The following ZMAT3 variants were observed in gnomAD, a reference collection of about 807,000 sequenced individuals.
ZMAT3 encodes zinc finger matrin-type protein 3.
A neutral mutation model predicts 32.3 loss-of-function variants in ZMAT3; 17 were observed. The ratio of observed to expected loss-of-function variants is 0.53; its 90% CI spans 0.36 to 0.79. ZMAT3 has a LOEUF of 0.79. Among genes scored for constraint, ZMAT3 ranks in the 30% least tolerant of loss-of-function variants. The pLI, the probability that ZMAT3 is intolerant of heterozygous loss-of-function variation, is 0.00. For synonymous variants in ZMAT3, 120 were observed against 133.1 expected (o/e 0.90, Z 0.68); for missense variants, 329 against 359.7 (o/e 0.91, Z 0.69).
At chr3:179,062,244 G>A (rs1721186550) in intron 2 of ZMAT3, among the ~76,000 whole-genome samples, 1 of 152,130 alleles carries the variant, frequency 6.6e-6, no homozygotes, top group Non-Finnish European at 1.5e-5. Context: ...AGTACAGTGG[G>A]CTGAGGAATG....
At chr3:179,028,234 CAT>C (rs969961404) in intron 3 of ZMAT3, among the ~76,000 whole-genome samples, 7 of 152,198 alleles carry the variant, frequency 4.6e-5, no homozygotes, top group African/African-American at 1.7e-4. Flanking sequence ...GATACATAGT[CAT>C]ATATTTTTTT....
At chr3:179,069,344 C>A (rs150251972) in intron 1 of ZMAT3, among the ~76,000 whole-genome samples, 1 of 152,084 alleles carries the variant, frequency 6.6e-6, no homozygotes, top group Non-Finnish European at 1.5e-5. Context: ...TGCCTCCCCC[C>A]CAGATGGCGC....
intron 3 of ZMAT3, among the ~76,000 whole-genome samples, chr3:179,029,272 C>T (rs1488269913): frequency 2.0e-5 from 3 of 152,104 alleles, no homozygotes; most frequent in Admixed American, 2.0e-4. Context: ...GAGGCTGAAA[C>T]TGCTGACCTA....
intron 2 of ZMAT3, among the ~76,000 whole-genome samples, chr3:179,031,308 G>C: frequency 6.6e-6 from 1 of 150,516 alleles, no homozygotes; most frequent in East Asian, 1.9e-4. Context: ...TAGAGGTCTT[G>C]ATATCTCCTA....
At chr3:179,033,494 A>G (rs1279040269) in intron 2 of ZMAT3, among the ~76,000 whole-genome samples, 3 of 151,666 alleles carry the variant, frequency 2.0e-5, no homozygotes, top group Non-Finnish European at 2.9e-5. Flanking sequence ...ATCAATAAAT[A>G]CTAAAAAAAT....
At position 179,023,134 on chromosome 3, in the gene ZMAT3, T is replaced by C. The variant is rs1718633903; in HGVS notation, c.*1883A>G. The C allele has an allele frequency of 6.6e-6, 1 of 151,240 alleles. No homozygotes were observed. Among genetic ancestry groups the C allele is most frequent in the Non-Finnish European group, 1.5e-5 (1 of 67,932 alleles). 9.4% of individuals were successfully genotyped at this position (151,240 alleles called of 1,614,324 possible). On this transcript the variant is annotated 3_prime_UTR_variant, in exon 6 of 6. Transcript: ENST00000311417. ...TAATGAATATTCACAGAGCACTCCATTAGTTAATCTAGATATATATTATAG... is the reference window on the plus strand; with the variant it reads ...TAATGAATATTCACAGAGCACTCCACTAGTTAATCTAGATATATATTATAG...
chr3:179,041,477 T>C (rs1719924840), intron 2 of ZMAT3, among the ~76,000 whole-genome samples: 1 of 152,226 alleles, frequency 6.6e-6, no homozygotes, highest in South Asian at 2.1e-4. Context: ...TGCTCCTGAA[T>C]GACTACTGGG....
intron 1 of ZMAT3, among the ~76,000 whole-genome samples, chr3:179,068,578 A>C (rs1352328088): frequency 6.6e-6 from 1 of 152,220 alleles, no homozygotes; most frequent in Non-Finnish European, 1.5e-5. Flanking sequence ...AATATCAAAA[A>C]GAGTGTATAA....
chr3:179,066,614 T>A (rs774916116), intron 2 of ZMAT3, among the ~76,000 whole-genome samples: 4 of 152,246 alleles, frequency 2.6e-5, no homozygotes, highest in Non-Finnish European at 5.9e-5. Context: ...AAATCAGTGA[T>A]GACCCGGGAA....
At position 179,046,005 on chromosome 3, in the gene ZMAT3, C is replaced by T. The variant is rs1720214204; in HGVS notation, c.271-15006G>A. 6.6e-6 allele frequency among the ~76,000 whole-genome samples: 1 copy of T among 152,188 alleles called. No individual in the cohort carries two copies. Among genetic ancestry groups the T allele is most frequent in the Non-Finnish European group, 1.5e-5 (1 of 68,030 alleles). ...ATGTGAAGTGGTTTAACTAGGAAAACACCCAGTACAGGCAACTATGCAGAA... is the reference window on the plus strand; with the variant it reads ...ATGTGAAGTGGTTTAACTAGGAAAATACCCAGTACAGGCAACTATGCAGAA... On this transcript the variant is annotated intron_variant, in intron 2 of 5. Transcript: ENST00000311417. The surrounding 1 kb of genome is among the most constrained non-coding windows in gnomAD (Gnocchi z 4.3).
chr3:179,044,615 G>A (rs556034380), intron 2 of ZMAT3, among the ~76,000 whole-genome samples: 7 of 152,138 alleles, frequency 4.6e-5, no homozygotes, highest in East Asian at 1.9e-4. Context: ...CCACACTCCC[G>A]CCTGGACGAC....
rs1427032378 is a variant in ZMAT3 at position 179,058,715 on chromosome 3, C to G, written c.270+8768G>C. On this transcript the variant is annotated intron_variant, in intron 2 of 5. Transcript: ENST00000311417. ...AGCTTGCAGTGAGCCGAGATCCCGCCACTGCACTCCAGCCTGGGCGACAGA... is the reference window on the plus strand; with the variant it reads ...AGCTTGCAGTGAGCCGAGATCCCGCGACTGCACTCCAGCCTGGGCGACAGA... Among the ~76,000 whole-genome samples the G allele has an allele frequency of 3.5e-5, 5 of 141,880 alleles. No individual in the cohort carries two copies. The Admixed American group carries it at 3.6e-4, about 10-fold the overall frequency. The allele number at this position is 141,880 out of a possible 152,430, so 93.1% of individuals were successfully genotyped here. A position where few individuals can be genotyped will look rare whatever the true frequency, so the allele number is the denominator to read the frequency against.
At chr3:179,039,889 C>CTGA (rs969983055) in intron 2 of ZMAT3, among the ~76,000 whole-genome samples, 1 of 152,090 alleles carries the variant, frequency 6.6e-6, no homozygotes, top group African/African-American at 2.4e-5. Context: ...CCTTAAATGA[C>CTGA]TGATGGAGCT....
chr3:179,054,701 A>G (rs1720741632), intron 2 of ZMAT3, among the ~76,000 whole-genome samples: 1 of 152,194 alleles, frequency 6.6e-6, no homozygotes, highest in Admixed American at 6.5e-5. Context: ...CTAAGGCTGG[A>G]GCAGAGCTTT....
rs1414015970 is a variant in ZMAT3 at position 179,023,593 on chromosome 3, A to C, written c.*1424T>G. ...ACAAAATATCAAGCAATCTGAACTT[A>C]TGGTTTAGATCATGATATAAGCGCA... On this transcript the variant is annotated 3_prime_UTR_variant, in exon 6 of 6. Coordinates refer to ENST00000311417, the MANE Select transcript of ZMAT3 (RefSeq NM_022470.4). 2.0e-5 allele frequency: 3 copies of C among 146,566 alleles called. No homozygotes were observed. The allele number at this position is 146,566 out of a possible 1,614,324, so 9.1% of individuals were successfully genotyped here. A position where few individuals can be genotyped will look rare whatever the true frequency, so the allele number is the denominator to read the frequency against.
At chr3:179,059,996 AGCCAATCATCTATT>A (rs1249295812) in intron 2 of ZMAT3, among the ~76,000 whole-genome samples, 1 of 152,176 alleles carries the variant, frequency 6.6e-6, no homozygotes, top group Non-Finnish European at 1.5e-5. Flanking sequence ...GTGAAGAAAT[AGCCAATCATCTATT>A]GCCTGAGAGC....
chr3:179,027,683 T>C lies in ZMAT3; in HGVS notation c.520A>G (p.Arg174Gly), dbSNP rs1718950486. 6.2e-7 allele frequency: 1 copy of C among 1,614,208 alleles called. No individual in the cohort carries two copies. The highest frequency in any genetic ancestry group is 8.5e-7 in the Non-Finnish European group (1 of 1,180,044). Reference sequence around the variant, plus strand: ...CTCTGAGCTTCCGCCAGCCGCAGCCTCTTGGCATGATTCTTCCCTTGATAG... The same window carrying C: ...CTCTGAGCTTCCGCCAGCCGCAGCCCCTTGGCATGATTCTTCCCTTGATAG... ...AHYQGKNHAK[R>G]LRLAEAQSNS... Residue 174 changes from arginine (R) to glycine (G), a missense_variant, in exon 4 of 6, where the codon AGG becomes GGG. Transcript: ENST00000311417.
At chr3:179,025,268 T>C in intron 5 of ZMAT3, 40 bp from the exon 6 acceptor site, 2 of 1,483,010 alleles carry the variant, frequency 1.3e-6, no homozygotes, top group Non-Finnish European at 1.8e-6. Context: ...AAAATATTCA[T>C]TAAGTGAATG....
At chr3:179,047,798 G>C (rs1400680232) in intron 2 of ZMAT3, among the ~76,000 whole-genome samples, 1 of 152,058 alleles carries the variant, frequency 6.6e-6, no homozygotes, top group Non-Finnish European at 1.5e-5. Flanking sequence ...GGCAAAGGTT[G>C]CAGTGAGCTG....
Sources: gnomAD v4.1 joint callset for allele counts (sites outside exome capture counted in the v4.1 genomes callset) on GRCh38, gnomAD v4.1.1 for gene constraint, Gnocchi (gnomAD v3.1) non-coding constraint, MANE v1.5 for transcripts, NCBI Gene and HGNC (gene_info 2026-07-23, HGNC 2026-07-21) for gene names.